PTPRK: variants seen among roughly 807,000 people sequenced by gnomAD.
PTPRK encodes receptor-type tyrosine-protein phosphatase kappa.
A neutral mutation model predicts 178.0 loss-of-function variants in PTPRK; 75 were observed. That is an observed-to-expected ratio of 0.42 (90% CI 0.35 to 0.51). PTPRK has a LOEUF of 0.51. Ranked by LOEUF, PTPRK falls within the 20% of genes least tolerant of loss-of-function variation. The probability of loss-of-function intolerance (pLI) is 0.02; values close to 1 mark genes in which losing one functional copy is unlikely to be tolerated. For missense variants in PTPRK, 1,441 were observed against 1,797.8 expected (o/e 0.80, Z 3.59); for synonymous variants, 637 against 620.6 (o/e 1.03, Z -0.39).
At chr6:128,199,507 T>C (rs9375552) in intron 6 of PTPRK, among the ~76,000 whole-genome samples, 11,111 of 146,768 alleles carry the variant, frequency 0.076, 846 homozygotes, top group East Asian at 0.35. Flanking sequence ...ACAAGCTATA[T>C]ATACATTTAT....
At chr6:128,484,201 G>A (rs1280335065) in intron 1 of PTPRK, among the ~76,000 whole-genome samples, 1 of 151,880 alleles carries the variant, frequency 6.6e-6, no homozygotes, top group East Asian at 1.9e-4. Context: ...ATCACCCTTG[G>A]TCCTAAATTA....
intron 1 of PTPRK, among the ~76,000 whole-genome samples, chr6:128,513,244 G>A (rs1422586848): frequency 3.3e-5 from 5 of 152,094 alleles, no homozygotes; most frequent in African/African-American, 1.2e-4. Flanking sequence ...CAGCATTTTA[G>A]AAGGCTAAAA....
chr6:128,188,837 C>T (rs1803215880), intron 6 of PTPRK, among the ~76,000 whole-genome samples: 2 of 152,184 alleles, frequency 1.3e-5, no homozygotes, highest in African/African-American at 4.8e-5. Context: ...GTTCACAATG[C>T]CTTCTCCTCT....
rs1053548958 is a variant in PTPRK, at chr6:128,111,245, T to C, written c.1163-21253A>G. 2.0e-5 allele frequency among the ~76,000 whole-genome samples: 3 copies of C among 152,278 alleles called. No individual in the cohort carries two copies. The East Asian group carries it at 5.8e-4, about 29-fold the overall frequency. On this transcript the variant is annotated intron_variant, in intron 7 of 29. Coordinates refer to ENST00000368226, the MANE Select transcript of PTPRK (RefSeq NM_002844.4). Reference sequence around the variant, plus strand: ...TACATTTAACCTTCTAGCTTTTCAGTCAGACATGCTTGCCAACTTAGACGC... The same window carrying C: ...TACATTTAACCTTCTAGCTTTTCAGCCAGACATGCTTGCCAACTTAGACGC...
At chr6:127,978,219 A>G (rs1774839168) in intron 25 of PTPRK, among the ~76,000 whole-genome samples, 1 of 152,214 alleles carries the variant, frequency 6.6e-6, no homozygotes, top group Non-Finnish European at 1.5e-5. Context: ...AGGAAGGTTC[A>G]TGAGTCATAT....
At chr6:127,989,750 T>C (rs941407103) in intron 21 of PTPRK, among the ~76,000 whole-genome samples, 29 of 152,080 alleles carry the variant, frequency 1.9e-4, no homozygotes, top group African/African-American at 6.3e-4. Flanking sequence ...AAATGGTATA[T>C]AAGTACACTA....
chr6:128,094,198 C>T (rs1023052610), intron 7 of PTPRK, among the ~76,000 whole-genome samples: 3 of 152,072 alleles, frequency 2.0e-5, no homozygotes, highest in Non-Finnish European at 2.9e-5. Flanking sequence ...TGGTAAGAGG[C>T]TGAACTTACC....
intron 1 of PTPRK, among the ~76,000 whole-genome samples, chr6:128,462,350 C>A (rs904350645): frequency 2.0e-4 from 30 of 152,192 alleles, no homozygotes; most frequent in African/African-American, 6.3e-4. Flanking sequence ...TATTTTAATA[C>A]TTATGTAATC....
chr6:128,028,542 C>T (rs761438938), intron 13 of PTPRK, among the ~76,000 whole-genome samples: 6 of 152,200 alleles, frequency 3.9e-5, no homozygotes, highest in Non-Finnish European at 7.3e-5. Flanking sequence ...CAAACCTCTG[C>T]CCATGCTGTT....
In PTPRK at chr6:128,067,712, G is replaced by A; in HGVS notation, c.1964C>T (p.Pro655Leu). The change falls in exon 12 of 30, where the codon CCT (proline) becomes CTT (leucine). Residue 655 changes from proline (P) to leucine (L), a missense_variant. Transcript: ENST00000368226. Reference sequence around the variant, plus strand: ...ACTCATGGCATTTTGGTATGTGACAGGAACCTGGTAGCATTCCATGGCTCC... The same window carrying A: ...ACTCATGGCATTTTGGTATGTGACAAGAACCTGGTAGCATTCCATGGCTCC... ...EAGAMECYQV[P>L]VTYQNAMSGG... The A allele has an allele frequency of 6.2e-7, 1 of 1,613,732 alleles. No homozygotes were observed. The highest frequency in any genetic ancestry group is 8.5e-7 in the Non-Finnish European group (1 of 1,179,734).
intron 5 of PTPRK, among the ~76,000 whole-genome samples, chr6:128,219,574 T>A (rs1385471463): frequency 3.3e-5 from 5 of 152,172 alleles, no homozygotes; most frequent in African/African-American, 2.4e-5. Flanking sequence ...CAGTACCAGT[T>A]TGCAGCCTGG....
chr6:128,190,538 A>T (rs1339181606), intron 6 of PTPRK, among the ~76,000 whole-genome samples: 2 of 104,284 alleles, frequency 1.9e-5, no homozygotes, highest in African/African-American at 7.8e-5. Flanking sequence ...TCGCTCTGTT[A>T]TCCAGGCTGG....
chr6:127,979,416 CT>C (rs1171588867), intron 25 of PTPRK, among the ~76,000 whole-genome samples: 1 of 152,168 alleles, frequency 6.6e-6, no homozygotes, highest in Non-Finnish European at 1.5e-5. Context: ...TTCACACATC[CT>C]TTTTTTATTC....
intron 6 of PTPRK, among the ~76,000 whole-genome samples, chr6:128,213,801 G>A (rs776528866): frequency 6.0e-4 from 91 of 152,018 alleles, no homozygotes; most frequent in Middle Eastern, 6.8e-3. Flanking sequence ...TTAGAGTACC[G>A]GAATAGAATA....
Position 127,981,102 on chromosome 6 carries a change from G to C in PTPRK, c.3711+14C>G, listed in dbSNP as rs753100178. On this transcript the variant is annotated intron_variant, in intron 25 of 29. Coordinates refer to ENST00000368226, the MANE Select transcript of PTPRK (RefSeq NM_002844.4). Reference sequence around the variant, plus strand: ...CCACAACACTCTACACTAACAAAGAGGGCAGTCTCTTACGTCCATAAGAGC... The same window carrying C: ...CCACAACACTCTACACTAACAAAGACGGCAGTCTCTTACGTCCATAAGAGC... The C allele has an allele frequency of 3.1e-6, 5 of 1,610,580 alleles. No homozygotes were observed. The highest frequency in any genetic ancestry group is 1.3e-5 in the African/African-American group (1 of 74,952).
Position 128,089,936 on chromosome 6 carries a change from C to G in PTPRK, c.1219G>C (p.Ala407Pro). ...KIAEIQARRI[A>P]VDWESLGYNI... ...TAACCCAAGGATTCCCAGTCCACAGCAATCCGTCTTGCCTGTATTTCAGCA... is the reference window on the plus strand; with the variant it reads ...TAACCCAAGGATTCCCAGTCCACAGGAATCCGTCTTGCCTGTATTTCAGCA... Residue 407 changes from alanine (A) to proline (P), a missense_variant, in exon 8 of 30, where the codon GCT becomes CCT. Ala to Pro is a conservative substitution (Grantham distance 27). Coordinates refer to ENST00000368226, the MANE Select transcript of PTPRK (RefSeq NM_002844.4). 6.2e-7 allele frequency: 1 copy of G among 1,612,308 alleles called. No individual in the cohort carries two copies.
intron 7 of PTPRK, among the ~76,000 whole-genome samples, chr6:128,131,802 T>A (rs1227658785): frequency 6.6e-6 from 1 of 152,200 alleles, no homozygotes; most frequent in African/African-American, 2.4e-5. Flanking sequence ...TTATTTAATG[T>A]CAAATTAGAG....
At chr6:128,412,042 T>A (rs557816190) in intron 1 of PTPRK, among the ~76,000 whole-genome samples, 1 of 152,384 alleles carries the variant, frequency 6.6e-6, no homozygotes, top group East Asian at 1.9e-4. Context: ...TTCCTCTGTA[T>A]GTGTGTAAAA....
chr6:128,226,736 A>G lies in PTPRK; in HGVS notation c.694-7640T>C, dbSNP rs543726610. The stretch of plus-strand genomic sequence containing the variant: ...TCAATTTTGTAAATAAAATCCTACT[A>G]TATGTAATCTTATAATTATATAGAC... On this transcript the variant is annotated intron_variant, in intron 5 of 29. Coordinates refer to ENST00000368226, the MANE Select transcript of PTPRK (RefSeq NM_002844.4). Among the ~76,000 whole-genome samples the G allele has an allele frequency of 2.8e-5, 4 of 144,314 alleles. No homozygotes were observed. The East Asian group carries it at 6.0e-4, about 22-fold the overall frequency. 94.7% of individuals were successfully genotyped at this position (144,314 alleles called of 152,430 possible). A position where few individuals can be genotyped will look rare whatever the true frequency, so the allele number is the denominator to read the frequency against.
Sources: allele counts gnomAD v4.1 joint callset (sites outside exome capture counted in the v4.1 genomes callset), GRCh38; gene constraint gnomAD v4.1.1; transcripts MANE v1.5; gene names NCBI Gene and HGNC (gene_info 2026-07-23, HGNC 2026-07-21).